NAV3: variants seen among roughly 807,000 people sequenced by gnomAD.
The protein encoded by NAV3 is pore membrane and/or filament interacting like protein 1.
NAV3 carries 87 observed loss-of-function variants against 244.7 expected under a neutral mutation model. The ratio of observed to expected loss-of-function variants is 0.36; its 90% CI spans 0.30 to 0.42. The LOEUF (loss-of-function observed/expected upper bound fraction) is 0.42. NAV3 is among the 20% of genes least tolerant of loss of function. The pLI, the probability that NAV3 is intolerant of heterozygous loss-of-function variation, is 1.00. For synonymous variants in NAV3, 1,126 were observed against 1,042.2 expected (o/e 1.08, Z -1.55); for missense variants, 2,663 against 2,893.3 (o/e 0.92, Z 1.83).
chr12:77,822,551 T>G (rs1364118265), intron 2 of NAV3, among the ~76,000 whole-genome samples: 1 of 152,190 alleles, frequency 6.6e-6, no homozygotes, highest in Middle Eastern at 3.2e-3. Context: ...CAGATCTTAG[T>G]GTCTTATGTG....
chr12:78,088,122 A>T (rs1048455470), intron 12 of NAV3, among the ~76,000 whole-genome samples: 2 of 151,400 alleles, frequency 1.3e-5, no homozygotes, highest in Non-Finnish European at 3.0e-5. Flanking sequence ...AATTTTATAT[A>T]CTTCTTATCC....
intron 23 of NAV3, among the ~76,000 whole-genome samples, chr12:78,163,776 G>A (rs1242392572): frequency 2.0e-5 from 3 of 151,958 alleles, no homozygotes; most frequent in African/African-American, 7.2e-5. Context: ...CCTAACCTAG[G>A]ACTCAGTAGA....
intron 2 of NAV3, among the ~76,000 whole-genome samples, chr12:77,598,452 A>G (rs1478851140): frequency 6.6e-6 from 1 of 152,030 alleles, no homozygotes; most frequent in African/African-American, 2.4e-5. Flanking sequence ...CATTAGCGGA[A>G]GTGGAATTGT....
intron 1 of NAV3, among the ~76,000 whole-genome samples, chr12:77,935,430 C>A (rs1022197716): frequency 3.3e-5 from 5 of 152,148 alleles, no homozygotes; most frequent in Non-Finnish European, 7.3e-5. Context: ...GTCATTACAA[C>A]TTCCTGCAAT....
At chr12:78,183,898 C>T (rs914065069) in intron 30 of NAV3, among the ~76,000 whole-genome samples, 1 of 151,846 alleles carries the variant, frequency 6.6e-6, no homozygotes, top group East Asian at 1.9e-4. Context: ...CCCTAAACAT[C>T]TCTGTGTTCC....
At chr12:77,891,671 C>T (rs1220530782) in intron 1 of NAV3, among the ~76,000 whole-genome samples, 1 of 152,204 alleles carries the variant, frequency 6.6e-6, no homozygotes, top group East Asian at 1.9e-4. Context: ...AATAACTTAA[C>T]AAACACTGTT....
At chr12:78,135,351 T>TC (rs1172411971) in intron 18 of NAV3, among the ~76,000 whole-genome samples, 7 of 152,218 alleles carry the variant, frequency 4.6e-5, no homozygotes, top group Admixed American at 3.9e-4. Flanking sequence ...AGGTGTAATT[T>TC]CCAATGCAGA....
Position 77,845,028 on chromosome 12 carries a change from A to G in NAV3, c.243+13324A>G, listed in dbSNP as rs1212551350. Among the ~76,000 whole-genome samples the G allele has an allele frequency of 2.0e-5, 3 of 152,282 alleles. No homozygotes were observed. The East Asian group carries it at 5.8e-4, about 29-fold the overall frequency. On this transcript the variant is annotated intron_variant, in intron 1 of 39. Coordinates refer to ENST00000397909, the MANE Select transcript of NAV3 (RefSeq NM_001024383.2). ...ATTTTTGGAAGCAAATGAGACCTACAAACACACAATTTTTAGCACAGGCTA... is the reference window on the plus strand; with the variant it reads ...ATTTTTGGAAGCAAATGAGACCTACGAACACACAATTTTTAGCACAGGCTA...
intron 2 of NAV3, among the ~76,000 whole-genome samples, chr12:77,669,498 G>T (rs942686483): frequency 3.9e-5 from 6 of 151,930 alleles, no homozygotes; most frequent in African/African-American, 1.5e-4. Context: ...AAGGTAAAGG[G>T]GCAGAAAAAG....
rs11106675 is a variant in NAV3 at position 77,781,143 on chromosome 12, G to T, written c.73-159176G>T. Among the ~76,000 whole-genome samples, 677 of 152,228 alleles carry T rather than the reference G, an allele frequency of 4.4e-3. 7 individuals carry two copies. Among genetic ancestry groups the T allele is most frequent in the African/African-American group, 0.015 (634 of 41,540 alleles). ...AATGAAGGTGTTGACCAGGACCAAGGTTTCATTCCGTAAACCCGAAATAAG... is the reference window on the plus strand; with the variant it reads ...AATGAAGGTGTTGACCAGGACCAAGTTTTCATTCCGTAAACCCGAAATAAG... On this transcript the variant is annotated intron_variant, in intron 2 of 8. Coordinates refer to the NAV3 transcript ENST00000550042.
At chr12:77,952,152 T>G (rs1293313052) in intron 3 of NAV3, among the ~76,000 whole-genome samples, 1 of 152,160 alleles carries the variant, frequency 6.6e-6, no homozygotes, top group Non-Finnish European at 1.5e-5. Flanking sequence ...TTGTGTCTTC[T>G]GTAAATATTT....
At chr12:78,066,881 A>G (rs2137545162) in intron 12 of NAV3, among the ~76,000 whole-genome samples, 1 of 152,230 alleles carries the variant, frequency 6.6e-6, no homozygotes, top group Non-Finnish European at 1.5e-5. Flanking sequence ...CATATATTGA[A>G]GCAGGCCTAA....
At chr12:77,717,133 A>G (rs1179973044) in intron 2 of NAV3, among the ~76,000 whole-genome samples, 1 of 152,110 alleles carries the variant, frequency 6.6e-6, no homozygotes, top group Non-Finnish European at 1.5e-5. Flanking sequence ...GGTAAAAACC[A>G]TATAACATAA....
intron 1 of NAV3, among the ~76,000 whole-genome samples, chr12:77,916,638 A>G (rs1304909902): frequency 6.6e-6 from 1 of 152,072 alleles, no homozygotes; most frequent in East Asian, 1.9e-4. Flanking sequence ...AATTCTACAT[A>G]CAATACTCAA....
At chr12:78,205,424 T>G (rs1424553912) in intron 39 of NAV3, among the ~76,000 whole-genome samples, 1 of 152,004 alleles carries the variant, frequency 6.6e-6, no homozygotes. Context: ...AAATATAATT[T>G]TCTATATTAT....
chr12:78,048,261 G>A (rs929719622), intron 9 of NAV3, among the ~76,000 whole-genome samples: 3 of 152,174 alleles, frequency 2.0e-5, no homozygotes, highest in African/African-American at 7.2e-5. Context: ...CCTTGCTGGT[G>A]AAGAGTTGTG....
intron 2 of NAV3, among the ~76,000 whole-genome samples, chr12:77,691,360 T>TATATAC (rs60932712): frequency 8.2e-5 from 11 of 134,822 alleles, no homozygotes; most frequent in African/African-American, 2.7e-4. Flanking sequence ...TATATACATA[T>TATATAC]CCATTCTTGT....
intron 2 of NAV3, among the ~76,000 whole-genome samples, chr12:77,792,540 C>T (rs1565815804): frequency 6.6e-6 from 1 of 152,166 alleles, no homozygotes; most frequent in Non-Finnish European, 1.5e-5. Context: ...TTTCCAGGGG[C>T]TGCTCCCAGC....
chr12:78,077,341 G>A (rs1045788988), intron 12 of NAV3, among the ~76,000 whole-genome samples: 2 of 152,066 alleles, frequency 1.3e-5, no homozygotes, highest in African/African-American at 4.8e-5. Context: ...GTTCATAAAG[G>A]ACCAGACAAT....
Sources: gnomAD v4.1 joint callset for allele counts (sites outside exome capture counted in the v4.1 genomes callset) on GRCh38, gnomAD v4.1.1 for gene constraint, MANE v1.5 for transcripts, NCBI Gene and HGNC (gene_info 2026-07-23, HGNC 2026-07-21) for gene names.